LOC400499: variants seen among roughly 807,000 people sequenced by gnomAD.
the LOC400499 span, among the ~76,000 whole-genome samples, chr16:11,524,167 C>T: frequency 7.2e-5 from 3 of 41,726 alleles, no homozygotes; most frequent in Admixed American, 5.1e-4. Context: ...CACCCCCCAA[C>T]CCCCCAATCC....
chr16:11,391,084 C>G, the LOC400499 span, among the ~76,000 whole-genome samples: 12 of 152,256 alleles, frequency 7.9e-5, no homozygotes, highest in African/African-American at 2.9e-4. Context: ...TCCTGATTCA[C>G]TGCCCTGGGG....
chr16:11,448,029 G>T, the LOC400499 span: 1 of 1,535,972 alleles, frequency 6.5e-7, no homozygotes, highest in African/African-American at 1.4e-5. Flanking sequence ...GCTGGCCCTG[G>T]GCACCAATCC....
At chr16:11,390,019 G>C in the LOC400499 span, 33 of 867,932 alleles carry the variant, frequency 3.8e-5, no homozygotes, top group Non-Finnish European at 4.6e-5. Flanking sequence ...ACAGGAGTCA[G>C]TGTGTCGGAA....
the LOC400499 span, among the ~76,000 whole-genome samples, chr16:11,526,672 A>G: frequency 6.6e-6 from 1 of 152,200 alleles, no homozygotes; most frequent in African/African-American, 2.4e-5. Context: ...CTGCCTTTTT[A>G]AAAATTTGTA....
the LOC400499 span, chr16:11,372,686 G>A: frequency 9.7e-6 from 9 of 924,746 alleles, no homozygotes; most frequent in Non-Finnish European, 1.2e-5. Context: ...GCAGTAGAAG[G>A]TGAAGGAGTT....
the LOC400499 span, chr16:11,399,220 C>A: frequency 2.0e-6 from 2 of 985,406 alleles, no homozygotes; most frequent in Non-Finnish European, 2.4e-6. Flanking sequence ...ATCCCACCTT[C>A]TTCCCCATCT....
chr16:11,481,384 G>A, the LOC400499 span, among the ~76,000 whole-genome samples: 1 of 152,168 alleles, frequency 6.6e-6, no homozygotes, highest in Admixed American at 6.5e-5. Flanking sequence ...GTGCAGTGGT[G>A]CAATCTTGGT....
At chr16:11,502,003 CA>C in the LOC400499 span, 1 of 398,004 alleles carries the variant, frequency 2.5e-6, no homozygotes, top group African/African-American at 2.1e-5. Context: ...CCCAGGACAG[CA>C]CGAAGACTCC....
the LOC400499 span, chr16:11,383,720 G>T: frequency 8.1e-7 from 1 of 1,232,504 alleles, no homozygotes; most frequent in Non-Finnish European, 1.0e-6. Context: ...TTGCAGGCAG[G>T]CTGGAGCTCC....
At chr16:11,448,956 T>C in the LOC400499 span, 1 of 1,502,504 alleles carries the variant, frequency 6.7e-7, no homozygotes, top group Non-Finnish European at 8.9e-7. Flanking sequence ...TAGGTTCAGC[T>C]CCTGCTGGGG....
the LOC400499 span, chr16:11,425,350 C>T: frequency 0.27 from 108,713 of 399,274 alleles, 16,471 homozygotes; most frequent in Non-Finnish European, 0.32. Flanking sequence ...ACGCTGCGCA[C>T]GCTGGTGCCG....
the LOC400499 span, among the ~76,000 whole-genome samples, chr16:11,458,556 A>C: frequency 6.6e-6 from 1 of 151,780 alleles, no homozygotes; most frequent in Non-Finnish European, 1.5e-5. Context: ...TGTGTTAGCT[A>C]GAGTAGTCAA....
the LOC400499 span, among the ~76,000 whole-genome samples, chr16:11,453,172 G>T: frequency 3.3e-5 from 5 of 152,134 alleles, no homozygotes; most frequent in Non-Finnish European, 5.9e-5. Flanking sequence ...GTTTCAGCGG[G>T]TCTCTTACTC....
the LOC400499 span, among the ~76,000 whole-genome samples, chr16:11,391,322 G>A: frequency 3.3e-5 from 5 of 152,214 alleles, no homozygotes; most frequent in Non-Finnish European, 5.9e-5. Flanking sequence ...TGAGCTCATC[G>A]TGGAACCAGA....
the LOC400499 span, among the ~76,000 whole-genome samples, chr16:11,381,893 T>C: frequency 2.0e-5 from 3 of 152,174 alleles, no homozygotes; most frequent in Non-Finnish European, 4.4e-5. Context: ...ATTTATTGTA[T>C]TGGGGATCAT....
the LOC400499 span, chr16:11,396,332 G>A: frequency 5.5e-6 from 3 of 542,922 alleles, no homozygotes; most frequent in African/African-American, 5.9e-5. Flanking sequence ...GGTTCAGCAG[G>A]CGTTCCCCCG....
chr16:11,416,860 T>C, the LOC400499 span, among the ~76,000 whole-genome samples: 2 of 151,900 alleles, frequency 1.3e-5, no homozygotes, highest in Non-Finnish European at 2.9e-5. Flanking sequence ...GTGGAACAAG[T>C]AGGGCTGGGG....
At chr16:11,495,480 A>G in the LOC400499 span, among the ~76,000 whole-genome samples, 3 of 151,326 alleles carry the variant, frequency 2.0e-5, no homozygotes, top group Non-Finnish European at 4.4e-5. Context: ...TCCTGGGTTC[A>G]TGTGATTCCC....
At chr16:11,444,401 C>CA in the LOC400499 span, among the ~76,000 whole-genome samples, 1 of 151,968 alleles carries the variant, frequency 6.6e-6, no homozygotes, top group Non-Finnish European at 1.5e-5. Context: ...GACCCTGCCT[C>CA]AAAAAAGACC....
Sources: allele counts gnomAD v4.1 joint callset (sites outside exome capture counted in the v4.1 genomes callset), GRCh38; gene constraint gnomAD v4.1.1; transcripts MANE v1.5.